The following LRRC3B variants were observed in gnomAD, a reference collection of about 807,000 sequenced individuals.
LRRC3B encodes the protein leucine rich repeat containing 3B.
LRRC3B carries 2 observed loss-of-function variants against 12.8 expected under a neutral mutation model. The observed-to-expected ratio is 0.16, with a 90% CI of 0.06 to 0.49. The LOEUF (loss-of-function observed/expected upper bound fraction) is 0.49. LRRC3B is among the 20% of genes least tolerant of loss of function. LRRC3B has a pLI of 0.96. For synonymous variants in LRRC3B, 132 were observed against 122.0 expected (o/e 1.08, Z -0.54); for missense variants, 189 against 319.4 (o/e 0.59, Z 3.11).
chr3:26,677,424 T>C (rs1283032933), intron 1 of LRRC3B, among the ~76,000 whole-genome samples: 3 of 152,196 alleles, frequency 2.0e-5, no homozygotes, highest in South Asian at 4.1e-4. Flanking sequence ...AGGTGTTCAT[T>C]TGCCTGTGAT....
At chr3:26,632,515 C>G (rs573262514) in intron 1 of LRRC3B, among the ~76,000 whole-genome samples, 2 of 151,858 alleles carry the variant, frequency 1.3e-5, no homozygotes, top group Non-Finnish European at 2.9e-5. Flanking sequence ...GTATCTCGGG[C>G]GATGGCGAGA....
chr3:26,662,854 A>C (rs1160466201), intron 1 of LRRC3B, among the ~76,000 whole-genome samples: 3 of 152,048 alleles, frequency 2.0e-5, no homozygotes, highest in African/African-American at 7.2e-5. Flanking sequence ...AAGGCCTGAA[A>C]TTGGTTTGTT....
chr3:26,709,933 C>T, exon 2 of LRRC3B: 1 of 1,614,114 alleles, frequency 6.2e-7, no homozygotes, highest in African/African-American at 1.3e-5. Context: ...TTAAGGACCT[C>T]CATCAACTGA....
intron 1 of LRRC3B, among the ~76,000 whole-genome samples, chr3:26,697,221 A>G (rs151302454): frequency 6.6e-6 from 1 of 152,302 alleles, no homozygotes; most frequent in Non-Finnish European, 1.5e-5. Context: ...GTAGAGTCTG[A>G]AATCAGTTTC....
At chr3:26,692,352 G>C (rs1415250384) in intron 1 of LRRC3B, among the ~76,000 whole-genome samples, 1 of 152,158 alleles carries the variant, frequency 6.6e-6, no homozygotes, top group Non-Finnish European at 1.5e-5. Flanking sequence ...TTCCACACCA[G>C]GAACTGTGCT....
At chr3:26,709,558 T>C in exon 2 of LRRC3B, 1 of 1,010,462 alleles carries the variant, frequency 9.9e-7, no homozygotes, top group South Asian at 1.6e-5. Context: ...ATGTGTTAGC[T>C]GCAGCCTTTT....
intron 1 of LRRC3B, among the ~76,000 whole-genome samples, chr3:26,653,199 A>G (rs1265526520): frequency 6.6e-6 from 1 of 152,170 alleles, no homozygotes; most frequent in Non-Finnish European, 1.5e-5. Flanking sequence ...CAAAAGACTT[A>G]AGTGGGGAAA....
chr3:26,691,288 T>C (rs1216506623), intron 1 of LRRC3B, among the ~76,000 whole-genome samples: 1 of 151,740 alleles, frequency 6.6e-6, no homozygotes, highest in Non-Finnish European at 1.5e-5. Flanking sequence ...AGGTTAGGGA[T>C]GATTTATACA....
At chr3:26,671,373 T>TATATAGAGAGAGAGAGAGAG (rs1261897533) in intron 1 of LRRC3B, among the ~76,000 whole-genome samples, 22 of 28,252 alleles carry the variant, frequency 7.8e-4, no homozygotes, top group East Asian at 2.5e-3. Flanking sequence ...TATATATATA[T>TATATAGAGAGAGAGAGAGAG]AGAGAGAGAG....
chr3:26,703,906 ATT>A (rs1653979469), intron 1 of LRRC3B, among the ~76,000 whole-genome samples: 1 of 151,878 alleles, frequency 6.6e-6, no homozygotes, highest in Non-Finnish European at 1.5e-5. Context: ...ATTTAGGTTC[ATT>A]TTTTGGCTAA....
At chr3:26,709,662 G>A in exon 2 of LRRC3B, 1 of 1,610,882 alleles carries the variant, frequency 6.2e-7, no homozygotes, top group Non-Finnish European at 8.5e-7. Flanking sequence ...TGATTATGCT[G>A]ACATTCCAGC....
chr3:26,630,786 G>C (rs1213840454), intron 1 of LRRC3B, among the ~76,000 whole-genome samples: 1 of 152,118 alleles, frequency 6.6e-6, no homozygotes, highest in African/African-American at 2.4e-5. Context: ...AGATGCCTTG[G>C]AGGTCTCTAA....
intron 1 of LRRC3B, among the ~76,000 whole-genome samples, chr3:26,708,237 A>C (rs1700652817): frequency 6.6e-6 from 1 of 152,182 alleles, no homozygotes; most frequent in African/African-American, 2.4e-5. Context: ...GGAATCTTCT[A>C]AGTCAGGCAT....
intron 1 of LRRC3B, among the ~76,000 whole-genome samples, chr3:26,643,560 C>A (rs1348691296): frequency 6.6e-6 from 1 of 152,120 alleles, no homozygotes; most frequent in African/African-American, 2.4e-5. Context: ...GGGCCTCAGT[C>A]TCATTGTCTG....
intron 1 of LRRC3B, among the ~76,000 whole-genome samples, chr3:26,696,811 C>G (rs1460579001): frequency 6.6e-6 from 1 of 152,058 alleles, no homozygotes; most frequent in Non-Finnish European, 1.5e-5. Context: ...TCACTGTATG[C>G]AAAAGACCAA....
chr3:26,652,797 A>G (rs1196109818), intron 1 of LRRC3B, among the ~76,000 whole-genome samples: 1 of 152,182 alleles, frequency 6.6e-6, no homozygotes, highest in Non-Finnish European at 1.5e-5. Context: ...AAATTCTAAC[A>G]GTTATAACAG....
At chr3:26,685,615 G>GTGTGTATA (rs1395832034) in intron 1 of LRRC3B, among the ~76,000 whole-genome samples, 2 of 120,484 alleles carry the variant, frequency 1.7e-5, no homozygotes, top group African/African-American at 6.8e-5. Context: ...ATGTGTGTGT[G>GTGTGTATA]TATATATATA....
chr3:26,623,450 G>C (rs575345810), intron 1 of LRRC3B, among the ~76,000 whole-genome samples: 1 of 152,130 alleles, frequency 6.6e-6, no homozygotes, highest in African/African-American at 2.4e-5. Flanking sequence ...CTGTTCAGCC[G>C]GCTGCTATAC....
intron 1 of LRRC3B, among the ~76,000 whole-genome samples, chr3:26,681,381 T>C (rs1205992854): frequency 6.6e-6 from 1 of 152,220 alleles, no homozygotes; most frequent in Non-Finnish European, 1.5e-5. Context: ...ATGCAACCTC[T>C]CTTCCTCACA....
Sources: allele counts gnomAD v4.1 joint callset (sites outside exome capture counted in the v4.1 genomes callset), GRCh38; gene constraint gnomAD v4.1.1; transcripts MANE v1.5; gene names NCBI Gene and HGNC (gene_info 2026-07-23, HGNC 2026-07-21).